TNRC6B: variants seen among roughly 807,000 people sequenced by gnomAD.
The protein encoded by TNRC6B is trinucleotide repeat-containing gene 6B protein.
A neutral mutation model predicts 203.6 loss-of-function variants in TNRC6B; 52 were observed. The observed-to-expected ratio is 0.26, with a 90% confidence interval of 0.20 to 0.32. The LOEUF is 0.32. Among genes scored for constraint, TNRC6B ranks in the 10% least tolerant of loss-of-function variants. TNRC6B has a pLI of 1.00. For synonymous variants in TNRC6B, 838 were observed against 845.7 expected (o/e 0.99, Z 0.16); for missense variants, 1,923 against 2,286.2 (o/e 0.84, Z 3.24).
intron 1 of TNRC6B, among the ~76,000 whole-genome samples, chr22:40,188,295 T>G (rs530597715): frequency 3.9e-5 from 6 of 152,282 alleles, no homozygotes; most frequent in African/African-American, 1.4e-4. Context: ...AAGTGCTGGT[T>G]TTTGGTTACT....
chr22:40,262,043 G>A lies in TNRC6B; in HGVS notation c.327G>A (p.Gln109=). Residue 109 remains glutamine (Q), a synonymous_variant, in exon 4 of 23, where the codon CAG becomes CAA. Coordinates refer to ENST00000454349, the MANE Select transcript of TNRC6B (RefSeq NM_001162501.2). ...QDHKVLLKRG[Q]PPPPSCMLLG... ...ACAAAGTGTTACTAAAACGTGGGCAGCCCCCTCCACCGTCCTGCATGCTCC... is the reference window on the plus strand; with the variant it reads ...ACAAAGTGTTACTAAAACGTGGGCAACCCCCTCCACCGTCCTGCATGCTCC... 3 of 1,597,946 alleles carry A rather than the reference G, an allele frequency of 1.9e-6. No homozygotes were observed. The highest frequency in any genetic ancestry group is 2.6e-6 in the Non-Finnish European group (3 of 1,171,016).
intron 1 of TNRC6B, among the ~76,000 whole-genome samples, chr22:40,059,784 G>C (rs2067831510): frequency 6.6e-6 from 1 of 150,670 alleles, no homozygotes; most frequent in Non-Finnish European, 1.5e-5. Flanking sequence ...TGGATTCCTG[G>C]GATAAGCCCC....
In TNRC6B at chr22:40,325,267, T is replaced by A. The variant is rs1197455955; in HGVS notation, c.*2026T>A. 6.5e-6 allele frequency: 1 copy of A among 152,682 alleles called. No homozygotes were observed. The highest frequency in any genetic ancestry group is 2.4e-5 in the African/African-American group (1 of 41,456). 9.5% of individuals were successfully genotyped at this position (152,682 alleles called of 1,614,324 possible). The stretch of plus-strand genomic sequence containing the variant: ...TACAATACAACAATGCCTAATGTAT[T>A]TGACTTTTTAGCTTGTGTCTGTGTG... On this transcript the variant is annotated 3_prime_UTR_variant, in exon 23 of 23. Transcript: ENST00000454349.
At chr22:40,313,115 G>A in intron 19 of TNRC6B, 118 bp downstream of exon 19, 1 of 760,612 alleles carries the variant, frequency 1.3e-6, no homozygotes, top group Non-Finnish European at 2.2e-6. Flanking sequence ...CAGTAGCATA[G>A]GTCAGTATAG....
chr22:40,243,687 C>T (rs1256158414), intron 1 of TNRC6B, among the ~76,000 whole-genome samples: 3 of 152,118 alleles, frequency 2.0e-5, no homozygotes, highest in South Asian at 2.1e-4. Context: ...CAGGTTCAAG[C>T]GATTTTCCCG....
In TNRC6B at chr22:40,265,486, C is replaced by T. The variant is rs767085353; in HGVS notation, c.1256C>T (p.Thr419Ile). The T allele has an allele frequency of 1.2e-6, 2 of 1,613,916 alleles. No homozygotes were observed. The highest frequency in any genetic ancestry group is 1.7e-6 in the Non-Finnish European group (2 of 1,179,862). Residue 419 changes from threonine (T) to isoleucine (I), a missense_variant, in exon 5 of 23, where the codon ACT (threonine) becomes ATT (isoleucine). This residue lies in a region of TNRC6B where 614 missense variants were observed against 587.7 expected (regional missense o/e 1.04). Transcript: ENST00000454349. ...APSQSTGDRKTGSVGSWGAAR... is the reference protein window; with the variant it reads ...APSQSTGDRKIGSVGSWGAAR... ...TCACAAAGCACTGGAGATCGAAAGA[C>T]TGGGAGTGTTGGATCTTGGGGTGCA...
intron 4 of TNRC6B, chr22:40,156,247 G>C (rs1171166534): frequency 8.9e-6 from 13 of 1,467,146 alleles, no homozygotes; most frequent in Non-Finnish European, 1.2e-5. Context: ...GGTTCAACAT[G>C]CTGATAAGCG....
At chr22:40,260,792 C>T (rs146028690) in intron 3 of TNRC6B, among the ~76,000 whole-genome samples, 15 of 152,234 alleles carry the variant, frequency 9.9e-5, no homozygotes, top group African/African-American at 2.9e-4. Context: ...CTTCCCTCTC[C>T]GCCTTAATTA....
intron 1 of TNRC6B, among the ~76,000 whole-genome samples, chr22:40,046,780 G>C (rs373951169): frequency 0.013 from 1,944 of 151,924 alleles, 37 homozygotes; most frequent in African/African-American, 0.037. Context: ...GAGTAGCTGG[G>C]ACTACAGGCG....
intron 2 of TNRC6B, among the ~76,000 whole-genome samples, chr22:40,249,964 C>G (rs563240765): frequency 1.3e-5 from 2 of 152,314 alleles, no homozygotes; most frequent in South Asian, 4.1e-4. Context: ...TATTTAGAGT[C>G]TGATGGTGTG....
At chr22:40,089,353 C>G (rs892741697) in intron 1 of TNRC6B, among the ~76,000 whole-genome samples, 136 of 152,170 alleles carry the variant, frequency 8.9e-4, no homozygotes, top group African/African-American at 3.2e-3. Flanking sequence ...TTGCCTCAGC[C>G]TCCCCGGTAG....
At chr22:40,145,336 T>TA (rs201682095) in intron 3 of TNRC6B, among the ~76,000 whole-genome samples, 45 of 150,192 alleles carry the variant, frequency 3.0e-4, no homozygotes, top group East Asian at 1.2e-3. Flanking sequence ...TACTTCAATT[T>TA]AAAAAAAAAA....
At chr22:40,145,704 T>C (rs1329897629) in intron 3 of TNRC6B, among the ~76,000 whole-genome samples, 2 of 152,052 alleles carry the variant, frequency 1.3e-5, no homozygotes, top group African/African-American at 4.8e-5. Context: ...TAGCTGGGTG[T>C]GGTGGCGCCC....
At chr22:40,186,874 T>G (rs1487782678) in intron 1 of TNRC6B, among the ~76,000 whole-genome samples, 2 of 152,216 alleles carry the variant, frequency 1.3e-5, no homozygotes, top group African/African-American at 4.8e-5. Flanking sequence ...ACGTTTTTTT[T>G]GTACCAAGAC....
At chr22:40,249,826 A>G (rs1431375224) in intron 2 of TNRC6B, among the ~76,000 whole-genome samples, 4 of 152,258 alleles carry the variant, frequency 2.6e-5, no homozygotes, top group African/African-American at 9.6e-5. Context: ...GCTCTGTAAC[A>G]GTACTGGGAA....
chr22:40,106,969 G>A (rs2068289565), intron 1 of TNRC6B: 1 of 1,184,728 alleles, frequency 8.4e-7, no homozygotes, highest in Non-Finnish European at 1.2e-6. Context: ...TCTTTCTCAG[G>A]CGCTTGATCT....
At chr22:40,313,463 C>G (rs2071214362) in intron 19 of TNRC6B, among the ~76,000 whole-genome samples, 1 of 151,064 alleles carries the variant, frequency 6.6e-6, no homozygotes, top group Admixed American at 6.6e-5. Context: ...ATTCATTTTA[C>G]CATCATTTGG....
At chr22:40,047,293 C>T (rs185549337) in intron 1 of TNRC6B, among the ~76,000 whole-genome samples, 2 of 152,138 alleles carry the variant, frequency 1.3e-5, no homozygotes, top group Admixed American at 1.3e-4. Context: ...ATTAGGTTGC[C>T]CATACCTAAC....
intron 3 of TNRC6B, among the ~76,000 whole-genome samples, chr22:40,153,187 A>G (rs1050747538): frequency 2.6e-5 from 4 of 152,192 alleles, no homozygotes; most frequent in Admixed American, 6.5e-5. Flanking sequence ...CAAGGTCTCA[A>G]AAAAATTCAC....
Sources: gnomAD v4.1 joint callset for allele counts (sites outside exome capture counted in the v4.1 genomes callset) on GRCh38, gnomAD v4.1.1 for gene constraint, gnomAD v4.1.1 regional missense constraint, MANE v1.5 for transcripts, NCBI Gene and HGNC (gene_info 2026-07-23, HGNC 2026-07-21) for gene names.